MYO3A: variants seen among roughly 807,000 people sequenced by gnomAD.
MYO3A encodes the protein myosin IIIA.
A neutral mutation model predicts 192.7 loss-of-function variants in MYO3A; 180 were observed. The observed-to-expected ratio is 0.93, with a 90% CI of 0.83 to 1.06. The LOEUF (loss-of-function observed/expected upper bound fraction) is 1.06. Ranked by LOEUF, MYO3A falls within the 50% of genes least tolerant of loss-of-function variation. MYO3A has a pLI of 0.00. For synonymous variants in MYO3A, 628 were observed against 645.3 expected, an observed-to-expected ratio of 0.97 and a Z score of 0.41; for missense variants, 1,896 against 1,905.0, an observed-to-expected ratio of 1.00 and a Z score of 0.09.
At chr10:25,997,437 G>A (rs149592194) in intron 6 of MYO3A, among the ~76,000 whole-genome samples, 179 bp downstream of exon 6, 1 of 152,278 alleles carries the variant, frequency 6.6e-6, no homozygotes, top group African/African-American at 2.4e-5. Context: ...CAGAAGAAAG[G>A]GTAACTTCTT....
intron 21 of MYO3A, among the ~76,000 whole-genome samples, chr10:26,144,182 A>G (rs181657359): frequency 1.6e-4 from 24 of 152,206 alleles, no homozygotes; most frequent in African/African-American, 4.8e-4. Context: ...GCTGGTTAAA[A>G]TGAAAATGTC....
chr10:26,146,241 A>G (rs896052288), intron 22 of MYO3A, among the ~76,000 whole-genome samples: 3 of 152,200 alleles, frequency 2.0e-5, no homozygotes, highest in African/African-American at 7.2e-5. Flanking sequence ...TTCTTTCACA[A>G]TGATGTCATA....
At chr10:26,167,558 T>C (rs1451535443) in intron 27 of MYO3A, among the ~76,000 whole-genome samples, 3 of 152,230 alleles carry the variant, frequency 2.0e-5, no homozygotes, top group Non-Finnish European at 2.9e-5. Flanking sequence ...TTAAGTAGCA[T>C]TTTAAAGCTA....
chr10:26,047,484 A>C (rs1280949501), intron 10 of MYO3A, among the ~76,000 whole-genome samples: 1 of 152,228 alleles, frequency 6.6e-6, no homozygotes, highest in African/African-American at 2.4e-5. Flanking sequence ...AAGAAAAGAC[A>C]CATTTCCGGC....
chr10:26,123,007 G>A (rs1462379824), intron 18 of MYO3A, among the ~76,000 whole-genome samples: 1 of 152,190 alleles, frequency 6.6e-6, no homozygotes, highest in Non-Finnish European at 1.5e-5. Context: ...AATCGGTATT[G>A]TAGGGAACTA....
chr10:25,953,316 C>T (rs1837327545), intron 3 of MYO3A, among the ~76,000 whole-genome samples: 1 of 151,528 alleles, frequency 6.6e-6, no homozygotes, highest in Admixed American at 6.6e-5. Flanking sequence ...TCTGCTAAAC[C>T]CATTATAACT....
chr10:25,943,557 A>G (rs1836640776), intron 2 of MYO3A, among the ~76,000 whole-genome samples: 1 of 152,052 alleles, frequency 6.6e-6, no homozygotes, highest in Non-Finnish European at 1.5e-5. Flanking sequence ...TTCTTTCAGC[A>G]ATGTTTGTAC....
intron 17 of MYO3A, among the ~76,000 whole-genome samples, chr10:26,113,951 G>C (rs561240938): frequency 6.0e-4 from 91 of 152,166 alleles, no homozygotes; most frequent in Non-Finnish European, 1.0e-3. Flanking sequence ...CTGCAGAATT[G>C]AACCTAAGAA....
chr10:26,190,592 T>G (rs1383244009), intron 31 of MYO3A, among the ~76,000 whole-genome samples: 5 of 152,292 alleles, frequency 3.3e-5, no homozygotes, highest in Non-Finnish European at 5.9e-5. Flanking sequence ...AAGCACTTAC[T>G]ATGTGTCAAG....
At chr10:26,116,174 T>C (rs1838491135) in intron 17 of MYO3A, among the ~76,000 whole-genome samples, 1 of 152,204 alleles carries the variant, frequency 6.6e-6, no homozygotes, top group Admixed American at 6.5e-5. Flanking sequence ...AAGTTTATTG[T>C]TGACAGCACA....
rs1366699761 is a variant in MYO3A at position 25,996,371 on chromosome 10, C to T, written c.304-119C>T. The T allele has an allele frequency of 1.1e-4, 81 of 757,328 alleles. 1 individual carries two copies. The East Asian group carries it at 2.1e-3, about 20-fold the overall frequency. The allele number at this position is 757,328 out of a possible 1,614,324, so 46.9% of individuals were successfully genotyped here. A position where few individuals can be genotyped will look rare whatever the true frequency, so the allele number is the denominator to read the frequency against. On this transcript the variant is annotated intron_variant, in intron 4 of 34. Coordinates refer to ENST00000642920, the MANE Select transcript of MYO3A (RefSeq NM_017433.5). ...ATTTATGAAAGCATAAAGATAATGG[C>T]ATTAATCATTTGAAAGAGAACATTG...
At chr10:26,194,647 A>G (rs958370463) in intron 32 of MYO3A, among the ~76,000 whole-genome samples, 1 of 152,190 alleles carries the variant, frequency 6.6e-6, no homozygotes, top group Non-Finnish European at 1.5e-5. Context: ...AGTCTTCTCT[A>G]GTTCATTCCC....
At chr10:25,951,581 G>A (rs1837210296) in intron 2 of MYO3A, among the ~76,000 whole-genome samples, 1 of 152,096 alleles carries the variant, frequency 6.6e-6, no homozygotes, top group African/African-American at 2.4e-5. Flanking sequence ...TTAAGCAAAG[G>A]CCATATTTTA....
chr10:25,986,360 A>G (rs1282055681), intron 4 of MYO3A, among the ~76,000 whole-genome samples: 4 of 152,216 alleles, frequency 2.6e-5, no homozygotes, highest in Non-Finnish European at 5.9e-5. Context: ...TGCCAGAGCA[A>G]TCAGTCAAGA....
chr10:26,116,761 A>G (rs182674529), intron 17 of MYO3A, among the ~76,000 whole-genome samples: 2 of 152,210 alleles, frequency 1.3e-5, no homozygotes, highest in East Asian at 3.9e-4. Flanking sequence ...TTGGAGTGAG[A>G]TAATTCTTGT....
rs778349166 is a variant in MYO3A, at chr10:26,010,450, G to GTT, written c.509-6350_509-6349dup. On this transcript the variant is annotated intron_variant, in intron 6 of 34. Coordinates refer to ENST00000642920, the MANE Select transcript of MYO3A (RefSeq NM_017433.5). ...CATCCATGAGATAGACTAAGTAGTT[G>GTT]TTTTTTTTTTTTTTTTTTTTTGTTT... 3.9e-3 allele frequency among the ~76,000 whole-genome samples: 433 copies of GTT among 111,194 alleles called. 4 individuals are homozygous for GTT. The highest frequency in any genetic ancestry group is 6.7e-3 in the Middle Eastern group (1 of 150). The allele number at this position is 111,194 out of a possible 152,430, so 72.9% of individuals were successfully genotyped here.
chr10:26,060,416 C>T (rs1351073664), intron 10 of MYO3A, among the ~76,000 whole-genome samples: 4 of 152,078 alleles, frequency 2.6e-5, no homozygotes, highest in Non-Finnish European at 5.9e-5. Flanking sequence ...TGCAGTGAAC[C>T]GAGATCTCCC....
At chr10:26,025,009 G>A (rs1842476958) in intron 9 of MYO3A, among the ~76,000 whole-genome samples, 1 of 152,160 alleles carries the variant, frequency 6.6e-6, no homozygotes, top group South Asian at 2.1e-4. Flanking sequence ...CCAGTGTCTA[G>A]CAGAGTGCCT....
chr10:26,122,256 A>G (rs1029081465), intron 18 of MYO3A, among the ~76,000 whole-genome samples: 4 of 152,242 alleles, frequency 2.6e-5, no homozygotes, highest in African/African-American at 9.6e-5. Flanking sequence ...TCTGCATAAC[A>G]GAAGACAGTC....
Sources: allele counts gnomAD v4.1 joint callset (sites outside exome capture counted in the v4.1 genomes callset), GRCh38; gene constraint gnomAD v4.1.1; transcripts MANE v1.5; gene names NCBI Gene and HGNC (gene_info 2026-07-23, HGNC 2026-07-21).